The following HIBADH variants were observed in gnomAD, a reference collection of about 807,000 sequenced individuals.
The protein encoded by HIBADH is 3-hydroxyisobutyrate dehydrogenase, also known as 3-hydroxyisobutyrate dehydrogenase, mitochondrial.
HIBADH carries 25 observed loss-of-function variants against 36.1 expected under a neutral mutation model. The observed-to-expected ratio is 0.69, with a 90% CI of 0.50 to 0.97. The LOEUF (loss-of-function observed/expected upper bound fraction) is 0.97, where lower values mean the gene tolerates loss of function less well. Ranked by LOEUF, HIBADH falls within the 50% of genes least tolerant of loss-of-function variation. The pLI is 0.00. For missense variants in HIBADH, 421 were observed against 418.0 expected (o/e 1.01, Z -0.06); for synonymous variants, 160 against 149.5 (o/e 1.07, Z -0.51).
At chr7:27,634,858 G>T (rs1162903854) in intron 2 of HIBADH, among the ~76,000 whole-genome samples, 1 of 152,250 alleles carries the variant, frequency 6.6e-6, no homozygotes, top group East Asian at 1.9e-4. Context: ...CTTGCCAAGT[G>T]CATGGGGTGG....
chr7:27,658,766 G>A (rs1786355560), intron 1 of HIBADH, among the ~76,000 whole-genome samples: 1 of 152,078 alleles, frequency 6.6e-6, no homozygotes, highest in Non-Finnish European at 1.5e-5. Flanking sequence ...TACAATGTAT[G>A]TCTATTTTAT....
chr7:27,603,715 T>C (rs906637803), intron 4 of HIBADH, among the ~76,000 whole-genome samples: 9 of 152,188 alleles, frequency 5.9e-5, no homozygotes, highest in African/African-American at 2.2e-4. Context: ...ATCCTAACTC[T>C]CAAATTTCAC....
At chr7:27,640,365 T>C (rs764163604) in intron 2 of HIBADH, among the ~76,000 whole-genome samples, 11 of 151,992 alleles carry the variant, frequency 7.2e-5, no homozygotes, top group Non-Finnish European at 1.3e-4. Flanking sequence ...ACCCTGTCTC[T>C]ACAAAAATAC....
rs566888433 is a variant in HIBADH at position 27,551,746 on chromosome 7, A to T, written c.485-8646T>A. ...TATATTTGTCTTTAATACTGTAAAAACATTGCCACCAAAGCACTTCCATTG... is the reference window on the plus strand; with the variant it reads ...TATATTTGTCTTTAATACTGTAAAATCATTGCCACCAAAGCACTTCCATTG... On this transcript the variant is annotated intron_variant, in intron 4 of 7. Coordinates refer to ENST00000265395, the MANE Select transcript of HIBADH (RefSeq NM_152740.4). 3.9e-5 allele frequency among the ~76,000 whole-genome samples: 6 copies of T among 152,348 alleles called. No individual in the cohort carries two copies. In the East Asian group the frequency reaches 1.2e-3, roughly 29 times the overall value.
intron 2 of HIBADH, among the ~76,000 whole-genome samples, chr7:27,645,369 T>TGTTA (rs70974487): frequency 2.0e-5 from 1 of 48,840 alleles, no homozygotes; most frequent in African/African-American, 7.9e-5. Context: ...ATGGTTTTGA[T>TGTTA]TTTTTTTTTT....
rs1461042147 is a variant in HIBADH at position 27,526,153 on chromosome 7, C to G, written c.*61G>C. 30 of 1,437,726 alleles carry G rather than the reference C, an allele frequency of 2.1e-5. No homozygotes were observed. The highest frequency in any genetic ancestry group is 2.6e-5 in the Non-Finnish European group (28 of 1,077,668). 89.1% of individuals were successfully genotyped at this position (1,437,726 alleles called of 1,614,324 possible). A position where few individuals can be genotyped will look rare whatever the true frequency, so the allele number is the denominator to read the frequency against. ...TAAATCCATTTACTTGTGGAGTGAG[C>G]TAAAAGGAGGCTCCAAGACAGAGTT... On this transcript the variant is annotated 3_prime_UTR_variant, in exon 8 of 8. Coordinates refer to ENST00000265395, the MANE Select transcript of HIBADH (RefSeq NM_152740.4).
At chr7:27,658,132 C>T (rs1011071633) in intron 1 of HIBADH, among the ~76,000 whole-genome samples, 1 of 152,184 alleles carries the variant, frequency 6.6e-6, no homozygotes, top group Non-Finnish European at 1.5e-5. Context: ...CCTGAATAAG[C>T]GCTTGGCAAA....
intron 4 of HIBADH, among the ~76,000 whole-genome samples, chr7:27,599,343 C>A (rs953830210): frequency 6.6e-6 from 1 of 152,158 alleles, no homozygotes; most frequent in Non-Finnish European, 1.5e-5. Flanking sequence ...AATTTCCCTT[C>A]CCAAACTTTG....
chr7:27,611,876 CT>C (rs1006473270), intron 4 of HIBADH, among the ~76,000 whole-genome samples: 6 of 152,272 alleles, frequency 3.9e-5, no homozygotes, highest in African/African-American at 1.4e-4. Context: ...GTGAAACACT[CT>C]TCTCTAAACC....
intron 5 of HIBADH, among the ~76,000 whole-genome samples, chr7:27,542,190 T>C (rs575740625): frequency 1.3e-5 from 2 of 152,174 alleles, no homozygotes; most frequent in Non-Finnish European, 2.9e-5. Context: ...GTGGTTCATC[T>C]GTTTTTTCAA....
intron 6 of HIBADH, among the ~76,000 whole-genome samples, chr7:27,535,578 C>A (rs1245497502): frequency 6.6e-6 from 1 of 152,042 alleles, no homozygotes; most frequent in Non-Finnish European, 1.5e-5. Flanking sequence ...AACAAAACAT[C>A]ATCAATGTTA....
rs202178618 is a variant in HIBADH, at chr7:27,662,833, G to T, written c.-45C>A. The T allele has an allele frequency of 7.8e-6, 11 of 1,404,940 alleles. No individual in the cohort carries two copies. Among genetic ancestry groups the T allele is most frequent in the Non-Finnish European group, 1.0e-5 (11 of 1,057,850 alleles). 87.0% of individuals were successfully genotyped at this position (1,404,940 alleles called of 1,614,324 possible). On this transcript the variant is annotated 5_prime_UTR_variant, in exon 1 of 8. Coordinates refer to ENST00000265395, the MANE Select transcript of HIBADH (RefSeq NM_152740.4). ...CCGCGGTGACCTCCGCCGCCTCCCG[G>T]AGGGCCCACAGACTGCGAGCGTGTG...
At chr7:27,569,443 G>A (rs1784597728) in intron 4 of HIBADH, among the ~76,000 whole-genome samples, 1 of 152,078 alleles carries the variant, frequency 6.6e-6, no homozygotes, top group South Asian at 2.1e-4. Flanking sequence ...ATTCTATGAA[G>A]AACAGGATGT....
chr7:27,640,054 G>A (rs893308420), intron 2 of HIBADH, among the ~76,000 whole-genome samples: 29 of 152,252 alleles, frequency 1.9e-4, no homozygotes, highest in African/African-American at 4.8e-5. Context: ...TTTGGTCACC[G>A]CCACCCTCCG....
chr7:27,653,824 TAA>T (rs1296246613), intron 1 of HIBADH, among the ~76,000 whole-genome samples: 3 of 152,014 alleles, frequency 2.0e-5, no homozygotes, highest in Non-Finnish European at 2.9e-5. Flanking sequence ...TCTCAAAAGT[TAA>T]GAGGTGAAAT....
chr7:27,657,367 G>C (rs758639983), intron 1 of HIBADH, among the ~76,000 whole-genome samples: 1 of 152,128 alleles, frequency 6.6e-6, no homozygotes, highest in African/African-American at 2.4e-5. Flanking sequence ...TATGTACTTG[G>C]AGGAAAAGGG....
chr7:27,635,774 T>C (rs56185802), intron 2 of HIBADH, among the ~76,000 whole-genome samples: 31,483 of 152,170 alleles, frequency 0.21, 4,112 homozygotes, highest in East Asian at 0.44. Context: ...GGCTCTGCTC[T>C]GATTGTCAAG....
chr7:27,570,047 A>C (rs186198510), intron 4 of HIBADH, among the ~76,000 whole-genome samples: 2 of 152,312 alleles, frequency 1.3e-5, no homozygotes, highest in East Asian at 1.9e-4. Context: ...CAGTCCTAGG[A>C]TTCATGCTGT....
At chr7:27,605,574 T>C (rs976657354) in intron 4 of HIBADH, among the ~76,000 whole-genome samples, 1 of 112,304 alleles carries the variant, frequency 8.9e-6, no homozygotes, top group Non-Finnish European at 1.7e-5. Context: ...CCCTCTCCAG[T>C]GTTTAGACAA....
Sources: allele counts gnomAD v4.1 joint callset (sites outside exome capture counted in the v4.1 genomes callset), GRCh38; gene constraint gnomAD v4.1.1; transcripts MANE v1.5; gene names NCBI Gene and HGNC (gene_info 2026-07-23, HGNC 2026-07-21).